SNTG2: variants seen among roughly 807,000 people sequenced by gnomAD.
The protein encoded by SNTG2 is syntrophin gamma 2, also known as gamma-2-syntrophin.
Under a neutral mutation model 70.9 loss-of-function variants are expected in SNTG2, and 74 were observed. The observed-to-expected ratio is 1.04, with a 90% CI of 0.86 to 1.27. SNTG2 has a LOEUF of 1.27. Ranked by LOEUF, SNTG2 falls within the 50% of genes most tolerant of loss-of-function variation. The pLI is 0.00. For synonymous variants in SNTG2, 278 were observed against 273.8 expected, an observed-to-expected ratio of 1.02 and a Z score of -0.15; for missense variants, 717 against 690.7, an observed-to-expected ratio of 1.04 and a Z score of -0.43.
chr2:1,086,089 G>C (rs1664666699), intron 2 of SNTG2, among the ~76,000 whole-genome samples: 2 of 152,218 alleles, frequency 1.3e-5, no homozygotes, highest in Non-Finnish European at 2.9e-5. Flanking sequence ...GCACAGCTCT[G>C]CTAATTTATA....
At chr2:1,217,953 C>T (rs921597058) in intron 9 of SNTG2, among the ~76,000 whole-genome samples, 2 of 152,030 alleles carry the variant, frequency 1.3e-5, no homozygotes, top group Non-Finnish European at 2.9e-5. Context: ...TGGGATCTCA[C>T]CAGGCTGAAA....
At chr2:1,238,075 G>A in intron 10 of SNTG2, 58 bp downstream of exon 10, 1 of 1,550,182 alleles carries the variant, frequency 6.5e-7, no homozygotes, top group Non-Finnish European at 8.8e-7. Context: ...GAAAAATAAT[G>A]GAGACATCAT....
Position 1,005,870 on chromosome 2 carries a change from T to A in SNTG2, c.72+54802T>A, listed in dbSNP as rs1290970863. The stretch of plus-strand genomic sequence containing the variant: ...ATATATATATATATATATATATATA[T>A]ATATAAACGTTGACATTGCTCTTGA... On this transcript the variant is annotated intron_variant, in intron 1 of 16. Coordinates refer to ENST00000308624, the MANE Select transcript of SNTG2 (RefSeq NM_018968.4). Among the ~76,000 whole-genome samples the A allele has an allele frequency of 4.2e-4, 11 of 26,368 alleles. 1 individual carries two copies. The South Asian group carries it at 0.013, about 30-fold the overall frequency. 17.3% of individuals were successfully genotyped at this position (26,368 alleles called of 152,430 possible). A position where few individuals can be genotyped will look rare whatever the true frequency, so the allele number is the denominator to read the frequency against.
chr2:1,194,964 G>A (rs1325492244), intron 8 of SNTG2, among the ~76,000 whole-genome samples: 1 of 152,136 alleles, frequency 6.6e-6, no homozygotes, highest in East Asian at 1.9e-4. Context: ...ACTTGTGAGT[G>A]AGAACATGCA....
intron 1 of SNTG2, among the ~76,000 whole-genome samples, chr2:1,067,730 C>T (rs796423270): frequency 8.5e-5 from 13 of 152,264 alleles, no homozygotes; most frequent in African/African-American, 2.6e-4. Context: ...TATCCAACTA[C>T]GTAAGGGCAC....
chr2:978,180 G>C (rs1301074760), intron 1 of SNTG2, among the ~76,000 whole-genome samples: 4 of 152,190 alleles, frequency 2.6e-5, no homozygotes, highest in African/African-American at 9.6e-5. Flanking sequence ...GGGGCCTGGA[G>C]TGCCCTTGCT....
intron 1 of SNTG2, among the ~76,000 whole-genome samples, chr2:1,077,222 C>G (rs1663975541): frequency 6.6e-6 from 1 of 152,210 alleles, no homozygotes; most frequent in South Asian, 2.1e-4. Flanking sequence ...AAACCGAGGC[C>G]TAGTCAACGT....
At chr2:1,118,738 A>C (rs1305107514) in intron 4 of SNTG2, among the ~76,000 whole-genome samples, 4 of 152,188 alleles carry the variant, frequency 2.6e-5, no homozygotes, top group African/African-American at 9.6e-5. Flanking sequence ...AAAACGGAAT[A>C]AAAATAGTGA....
At chr2:1,225,313 GT>G (rs1675696711) in intron 9 of SNTG2, among the ~76,000 whole-genome samples, 1 of 152,140 alleles carries the variant, frequency 6.6e-6, no homozygotes, top group Non-Finnish European at 1.5e-5. Flanking sequence ...TTTTATCCTC[GT>G]TTTAAATGCA....
intron 9 of SNTG2, among the ~76,000 whole-genome samples, chr2:1,217,349 T>G (rs771486611): frequency 6.6e-6 from 1 of 152,180 alleles, no homozygotes; most frequent in African/African-American, 2.4e-5. Context: ...GAACTATGCG[T>G]TTGGATAAAT....
chr2:1,341,561 T>C (rs12476153), intron 16 of SNTG2: 27,817 of 152,184 alleles, frequency 0.18, 2,891 homozygotes, highest in African/African-American at 0.27. Context: ...GCTTGGTGGC[T>C]GCCTCCAGTC....
chr2:1,268,971 A>C (rs1268240911), intron 14 of SNTG2, among the ~76,000 whole-genome samples: 2 of 152,202 alleles, frequency 1.3e-5, no homozygotes, highest in African/African-American at 4.8e-5. Flanking sequence ...CCCGGTGGCC[A>C]TTCAGACTCA....
At chr2:1,288,619 A>G (rs1213954593) in intron 14 of SNTG2, among the ~76,000 whole-genome samples, 1 of 151,220 alleles carries the variant, frequency 6.6e-6, no homozygotes, top group Non-Finnish European at 1.5e-5. Flanking sequence ...AAGCATACAT[A>G]CACATGGGCA....
intron 16 of SNTG2, among the ~76,000 whole-genome samples, chr2:1,346,909 G>A (rs1360106915): frequency 6.6e-6 from 1 of 152,084 alleles, no homozygotes; most frequent in Admixed American, 6.5e-5. Flanking sequence ...TGAGGTCAGT[G>A]GGAAGGAACA....
At chr2:966,534 A>G (rs1572172486) in intron 1 of SNTG2, among the ~76,000 whole-genome samples, 1 of 152,364 alleles carries the variant, frequency 6.6e-6, no homozygotes, top group East Asian at 1.9e-4. Flanking sequence ...TGCATAATTC[A>G]TAAGAGAAAA....
chr2:1,227,806 T>G (rs1376814766), intron 9 of SNTG2, among the ~76,000 whole-genome samples: 1 of 152,258 alleles, frequency 6.6e-6, no homozygotes, highest in African/African-American at 2.4e-5. Context: ...TCCCTGGTGA[T>G]TCTTCTGCTC....
At chr2:1,193,376 G>A (rs549254304) in intron 8 of SNTG2, among the ~76,000 whole-genome samples, 1 of 152,270 alleles carries the variant, frequency 6.6e-6, no homozygotes, top group East Asian at 1.9e-4. Flanking sequence ...CTGATGAAAA[G>A]GATTGGAAAG....
chr2:1,309,104 A>G (rs1047705537), intron 15 of SNTG2, among the ~76,000 whole-genome samples: 36 of 152,326 alleles, frequency 2.4e-4, no homozygotes, highest in South Asian at 1.7e-3. Flanking sequence ...AATATTTTTT[A>G]AAACCTACTC....
At chr2:978,145 C>T (rs955467261) in intron 1 of SNTG2, among the ~76,000 whole-genome samples, 1 of 152,080 alleles carries the variant, frequency 6.6e-6, no homozygotes, top group Non-Finnish European at 1.5e-5. Flanking sequence ...CCAGTGAAGG[C>T]GAGAGGGGGC....
Sources: gnomAD v4.1 joint callset for allele counts (sites outside exome capture counted in the v4.1 genomes callset) on GRCh38, gnomAD v4.1.1 for gene constraint, MANE v1.5 for transcripts, NCBI Gene and HGNC (gene_info 2026-07-23, HGNC 2026-07-21) for gene names.